Variants in COG7 observed in about 807,000 individuals in gnomAD.
The protein encoded by COG7 is conserved oligomeric Golgi complex subunit 7.
COG7 carries 49 observed loss-of-function variants against 91.5 expected under a neutral mutation model. The ratio of observed to expected loss-of-function variants is 0.54; its 90% CI spans 0.43 to 0.68. COG7 has a LOEUF of 0.68. Ranked by LOEUF, COG7 falls within the 30% of genes least tolerant of loss-of-function variation. The probability of loss-of-function intolerance (pLI) is 0.00; values close to 1 mark genes in which losing one functional copy is unlikely to be tolerated. For synonymous variants in COG7, 365 were observed against 388.7 expected (o/e 0.94, Z 0.72); for missense variants, 895 against 961.3 (o/e 0.93, Z 0.91).
chr16:23,398,689 C>T (rs1963324482), intron 13 of COG7, among the ~76,000 whole-genome samples: 1 of 152,160 alleles, frequency 6.6e-6, no homozygotes, highest in Non-Finnish European at 1.5e-5. Flanking sequence ...ACTAAAGCTG[C>T]TGCTTTATTT....
At chr16:23,411,882 CTT>C (rs1230807496) in intron 10 of COG7, among the ~76,000 whole-genome samples, 30 of 137,636 alleles carry the variant, frequency 2.2e-4, no homozygotes, top group Admixed American at 3.7e-4. Flanking sequence ...TTCCAGATTG[CTT>C]TTTTTTTTTT....
chr16:23,452,934 A>G lies in COG7; in HGVS notation c.61T>C (p.Phe21Leu). The G allele has an allele frequency of 6.2e-7, 1 of 1,614,108 alleles. No individual in the cohort carries two copies. Among genetic ancestry groups the G allele is most frequent in the Non-Finnish European group, 8.5e-7 (1 of 1,180,000 alleles). The part of the protein sequence containing the change: ...FDVKEWINAA[F>L]RAGSKEAASG... The stretch of plus-strand genomic sequence containing the variant: ...GCCGCCTCCTTGGAGCCGGCCCTGA[A>G]GGCCGCATTGATCCACTCCTTCACG... The change falls in exon 1 of 17, where the codon TTC becomes CTC. Residue 21 changes from phenylalanine to leucine, a missense_variant. Physicochemically the swap from Phe to Leu is conservative, Grantham distance 22 (BLOSUM62 0). Coordinates refer to ENST00000307149, the MANE Select transcript of COG7 (RefSeq NM_153603.4).
chr16:23,391,296 C>T (rs542878635), intron 16 of COG7, among the ~76,000 whole-genome samples: 2 of 152,304 alleles, frequency 1.3e-5, no homozygotes, highest in East Asian at 3.9e-4. Flanking sequence ...AGATTTCACT[C>T]CACTCACTAG....
chr16:23,410,736 C>T lies in COG7; in HGVS notation c.1410-376G>A, dbSNP rs568255239. 8.5e-5 allele frequency among the ~76,000 whole-genome samples: 13 copies of T among 152,266 alleles called. No homozygotes were observed. The East Asian group carries it at 1.9e-3, about 23-fold the overall frequency. ...TTTATTTATTTTTGCAACTAAGTCT[C>T]GCTCTGTCACCCAGGCTGGAGTGCA... is the stretch of plus-strand genomic sequence containing the variant. On this transcript the variant is annotated intron_variant, in intron 10 of 16. Transcript: ENST00000307149.
At chr16:23,430,669 G>A (rs925007107) in intron 6 of COG7, among the ~76,000 whole-genome samples, 8 of 151,688 alleles carry the variant, frequency 5.3e-5, no homozygotes, top group Non-Finnish European at 1.0e-4. Context: ...AGCCTCCCAA[G>A]TAGCTGGGAT....
chr16:23,396,237 G>A (rs976259749), intron 14 of COG7, among the ~76,000 whole-genome samples: 1 of 152,170 alleles, frequency 6.6e-6, no homozygotes, highest in Admixed American at 6.5e-5. Context: ...GGAAGGGCCC[G>A]GGCCTGGAAA....
chr16:23,453,095 C>A lies in COG7; in HGVS notation c.-101G>T. ...GAGCCTGCGAGAGCACCGAGGCTAGCCTCCGAGGCGAACCCCAGAAACGCC... is the reference window on the plus strand; with the variant it reads ...GAGCCTGCGAGAGCACCGAGGCTAGACTCCGAGGCGAACCCCAGAAACGCC... On this transcript the variant is annotated 5_prime_UTR_variant, in exon 1 of 17. Transcript: ENST00000307149. The A allele has an allele frequency of 1.3e-6, 2 of 1,560,154 alleles. No individual in the cohort carries two copies. The highest frequency in any genetic ancestry group is 1.7e-6 in the Non-Finnish European group (2 of 1,150,810).
chr16:23,408,693 C>T (rs1338256478), intron 11 of COG7, among the ~76,000 whole-genome samples: 4 of 151,886 alleles, frequency 2.6e-5, no homozygotes, highest in African/African-American at 9.7e-5. Flanking sequence ...GCGTGACTTT[C>T]GGGAGTGAAT....
At chr16:23,428,340 C>T (rs113092889) in intron 6 of COG7, among the ~76,000 whole-genome samples, 3,706 of 151,904 alleles carry the variant, frequency 0.024, 89 homozygotes, top group African/African-American at 0.063. Flanking sequence ...CAGAGCAAGA[C>T]TCTGTCTCAA....
At chr16:23,401,615 T>C (rs1330563943) in intron 13 of COG7, among the ~76,000 whole-genome samples, 1 of 152,192 alleles carries the variant, frequency 6.6e-6, no homozygotes, top group African/African-American at 2.4e-5. Context: ...CTTTCGTTTT[T>C]CAATGGATCA....
chr16:23,445,980 A>G lies in COG7; in HGVS notation c.170-19T>C, dbSNP rs752915665. On this transcript the variant is annotated intron_variant, in intron 1 of 16. Coordinates refer to ENST00000307149, the MANE Select transcript of COG7 (RefSeq NM_153603.4). The stretch of plus-strand genomic sequence containing the variant: ...CTTGTTTCTGTAGTTAAAAAAAAAA[A>G]AAAAAACAACAACAACAGCGATAGC... The G allele has an allele frequency of 8.7e-6, 14 of 1,608,308 alleles. No individual in the cohort carries two copies. Among genetic ancestry groups the G allele is most frequent in the Non-Finnish European group, 1.1e-5 (13 of 1,179,216 alleles).
At chr16:23,418,114 C>A (rs1368090543) in intron 8 of COG7, among the ~76,000 whole-genome samples, 2 of 152,190 alleles carry the variant, frequency 1.3e-5, no homozygotes, top group African/African-American at 4.8e-5. Context: ...AACAAAAGAC[C>A]GCCTTAGTAA....
intron 7 of COG7, among the ~76,000 whole-genome samples, chr16:23,420,058 C>T (rs1343768009): frequency 1.3e-5 from 2 of 150,874 alleles, no homozygotes; most frequent in African/African-American, 2.4e-5. Context: ...AAGAGAATTC[C>T]TTGAACCCGG....
chr16:23,393,904 G>A lies in COG7; in HGVS notation c.1888-557C>T, dbSNP rs970795842. ...AAAAGTACAAAAATTAGCCGGGGATGGTGGCAGGCACCTGTAATCCCAGCT... is the reference window on the plus strand; with the variant it reads ...AAAAGTACAAAAATTAGCCGGGGATAGTGGCAGGCACCTGTAATCCCAGCT... On this transcript the variant is annotated intron_variant, in intron 14 of 16. Coordinates refer to ENST00000307149, the MANE Select transcript of COG7 (RefSeq NM_153603.4). Among the ~76,000 whole-genome samples, 3 of 152,008 alleles carry A rather than the reference G, an allele frequency of 2.0e-5. No homozygotes were observed. The South Asian group carries it at 6.2e-4, about 32-fold the overall frequency.
chr16:23,429,369 G>A (rs1963898512), intron 6 of COG7, among the ~76,000 whole-genome samples: 1 of 144,610 alleles, frequency 6.9e-6, no homozygotes. Flanking sequence ...CCAAGAGATG[G>A]GAACATGTGT....
At chr16:23,405,950 G>C in intron 12 of COG7, 126 bp downstream of exon 12, 3 of 822,664 alleles carry the variant, frequency 3.6e-6, no homozygotes. Context: ...GAGACAGAGA[G>C]GTAGTAGCAG....
chr16:23,445,112 G>T lies in COG7; in HGVS notation c.371C>A (p.Ser124Tyr), dbSNP rs1270268038. ...GCTCCACTTATCTGCTTCCTGAAGAGATTCGGCAGCAAGTTGCATTCTGGA... is the reference window on the plus strand; with the variant it reads ...GCTCCACTTATCTGCTTCCTGAAGATATTCGGCAGCAAGTTGCATTCTGGA... The part of the protein sequence containing the change: ...VKSRMQLAAE[S>Y]LQEADKWSTL... The change falls in exon 3 of 17, where the codon TCT (serine) becomes TAT (tyrosine). Residue 124 changes from serine (S) to tyrosine (Y), a missense_variant. By Grantham distance (144) the Ser-to-Tyr change is moderately radical (BLOSUM62 -2). Transcript: ENST00000307149. 24 of 1,614,010 alleles carry T rather than the reference G, an allele frequency of 1.5e-5. No homozygotes were observed. Among genetic ancestry groups the T allele is most frequent in the Non-Finnish European group, 2.0e-5 (24 of 1,180,042 alleles).
chr16:23,444,800 C>T (rs768004553), intron 3 of COG7, among the ~76,000 whole-genome samples: 5 of 152,092 alleles, frequency 3.3e-5, no homozygotes, highest in African/African-American at 4.8e-5. Flanking sequence ...GCCACAGTGC[C>T]TGGTGCCTGT....
intron 8 of COG7, among the ~76,000 whole-genome samples, chr16:23,417,535 C>A (rs943668679): frequency 6.6e-6 from 1 of 152,118 alleles, no homozygotes; most frequent in Admixed American, 6.6e-5. Context: ...GGATGGCAGA[C>A]GTGGGCAGAT....
Sources: allele counts gnomAD v4.1 joint callset (sites outside exome capture counted in the v4.1 genomes callset), GRCh38; gene constraint gnomAD v4.1.1; transcripts MANE v1.5; gene names NCBI Gene and HGNC (gene_info 2026-07-23, HGNC 2026-07-21).